The following SENP8 variants were observed in gnomAD, a reference collection of about 807,000 sequenced individuals.
The protein encoded by SENP8 is sentrin-specific protease 8.
A neutral mutation model predicts 14.4 loss-of-function variants in SENP8; 10 were observed. The ratio of observed to expected loss-of-function variants is 0.69; its 90% CI spans 0.43 to 1.18. SENP8 has a LOEUF of 1.18. Among genes scored for constraint, SENP8 ranks in the 50% most tolerant of loss-of-function variants. The probability of loss-of-function intolerance (pLI) is 0.00; values close to 1 mark genes in which losing one functional copy is unlikely to be tolerated. For missense variants in SENP8, 202 were observed against 249.4 expected, an observed-to-expected ratio of 0.81 and a Z score of 1.28; for synonymous variants, 94 against 95.5, an observed-to-expected ratio of 0.98 and a Z score of 0.09.
At chr15:72,134,095 C>A (rs920127393) in intron 1 of SENP8, among the ~76,000 whole-genome samples, 2 of 152,066 alleles carry the variant, frequency 1.3e-5, no homozygotes, top group Non-Finnish European at 2.9e-5. Flanking sequence ...ACTACAGGCA[C>A]CCACCATGCC....
intron 1 of SENP8, among the ~76,000 whole-genome samples, chr15:72,133,173 A>G (rs565942675): frequency 1.3e-5 from 2 of 152,210 alleles, no homozygotes; most frequent in Non-Finnish European, 2.9e-5. Context: ...TCACCTCAAA[A>G]CAAAAGAAAA....
At position 72,140,286 on chromosome 15, in the gene SENP8, T is replaced by G; in HGVS notation, c.*24T>G. On this transcript the variant is annotated 3_prime_UTR_variant, in exon 2 of 2. Coordinates refer to ENST00000340912, the MANE Select transcript of SENP8 (RefSeq NM_145204.4). ...AGCTATTGAAGTATATTTGCGACTT[T>G]TGAAGGCTCCTCTTTCTGCCCTTCC... The G allele has an allele frequency of 1.9e-6, 3 of 1,548,616 alleles. No homozygotes were observed. Among genetic ancestry groups the G allele is most frequent in the Non-Finnish European group, 2.7e-6 (3 of 1,123,988 alleles).
chr15:72,118,124 C>G (rs1002341971), upstream of SENP8: 3 of 383,230 alleles, frequency 7.8e-6, no homozygotes, highest in African/African-American at 2.1e-5. Flanking sequence ...CGCGACTCCC[C>G]GGCTGCAGGC....
chr15:72,131,005 C>T (rs1332526429), intron 1 of SENP8, among the ~76,000 whole-genome samples: 1 of 152,094 alleles, frequency 6.6e-6, no homozygotes, highest in East Asian at 1.9e-4. Context: ...CTTAAAAATG[C>T]AGAGGCCCAG....
At chr15:72,136,173 A>C (rs568610355) in intron 1 of SENP8, among the ~76,000 whole-genome samples, 7 of 152,228 alleles carry the variant, frequency 4.6e-5, no homozygotes, top group Non-Finnish European at 1.0e-4. Context: ...TGTTGTAAGG[A>C]TACTGTGAGG....
At chr15:72,133,095 C>T (rs1002218540) in intron 1 of SENP8, among the ~76,000 whole-genome samples, 8 of 152,042 alleles carry the variant, frequency 5.3e-5, no homozygotes, top group Admixed American at 1.3e-4. Flanking sequence ...CGCTTGAACC[C>T]GGGAGGCAGA....
At chr15:72,127,280 A>G (rs1359280196) in intron 1 of SENP8, among the ~76,000 whole-genome samples, 1 of 152,218 alleles carries the variant, frequency 6.6e-6, no homozygotes, top group African/African-American at 2.4e-5. Context: ...TTAAAAAACT[A>G]TCACATAGTA....
At chr15:72,130,854 C>T (rs969777929) in intron 1 of SENP8, among the ~76,000 whole-genome samples, 6 of 152,100 alleles carry the variant, frequency 3.9e-5, no homozygotes, top group Non-Finnish European at 5.9e-5. Context: ...TGAGCCACTG[C>T]GCCCGGCAGG....
At chr15:72,121,867 T>C (rs1287694399) in intron 1 of SENP8, among the ~76,000 whole-genome samples, 11 of 152,210 alleles carry the variant, frequency 7.2e-5, no homozygotes, top group Admixed American at 7.2e-4. Flanking sequence ...CAGTTAACTT[T>C]ATGTGGTCAA....
At chr15:72,123,604 G>C (rs2081186897) in intron 1 of SENP8, among the ~76,000 whole-genome samples, 1 of 150,860 alleles carries the variant, frequency 6.6e-6, no homozygotes, top group Non-Finnish European at 1.5e-5. Context: ...GCAGTGGCGT[G>C]CTCTTGGCTC....
At chr15:72,138,472 T>C (rs187803689) in intron 1 of SENP8, among the ~76,000 whole-genome samples, 2 of 151,464 alleles carry the variant, frequency 1.3e-5, no homozygotes, top group African/African-American at 4.8e-5. Flanking sequence ...ACCTCAGCCT[T>C]TCGAGTAGCT....
intron 1 of SENP8, among the ~76,000 whole-genome samples, chr15:72,131,021 A>G (rs2081268797): frequency 1.3e-5 from 2 of 152,180 alleles, no homozygotes; most frequent in Admixed American, 6.5e-5. Flanking sequence ...CCCAGATTCT[A>G]TCCCAGGTGT....
intron 1 of SENP8, among the ~76,000 whole-genome samples, chr15:72,125,695 G>A (rs142498276): frequency 8.6e-5 from 13 of 151,912 alleles, no homozygotes; most frequent in African/African-American, 1.9e-4. Context: ...AAGATCATAC[G>A]AAAAAAAGTT....
upstream of SENP8, among the ~76,000 whole-genome samples, chr15:72,115,604 A>G (rs988161677): frequency 6.6e-6 from 1 of 152,232 alleles, no homozygotes; most frequent in African/African-American, 2.4e-5. Flanking sequence ...CCTGGCCTTT[A>G]GTCTTATTCT....
rs2081384260 is a variant in SENP8 at position 72,142,066 on chromosome 15, C to T, written c.*1804C>T. Reference sequence around the variant, plus strand: ...TTAAAGCATATGAAAGCAATCTTTCCTAACTCCCTACGATTCATCTTATAA... The same window carrying T: ...TTAAAGCATATGAAAGCAATCTTTCTTAACTCCCTACGATTCATCTTATAA... On this transcript the variant is annotated 3_prime_UTR_variant, in exon 2 of 2. Transcript: ENST00000340912. The T allele has an allele frequency of 6.6e-6, 1 of 152,110 alleles. No individual in the cohort carries two copies. Among genetic ancestry groups the T allele is most frequent in the Non-Finnish European group, 1.5e-5 (1 of 68,028 alleles). The allele number at this position is 152,110 out of a possible 1,614,324, so 9.4% of individuals were successfully genotyped here.
intron 1 of SENP8, among the ~76,000 whole-genome samples, chr15:72,125,862 C>T (rs182576605): frequency 4.9e-4 from 74 of 151,934 alleles, no homozygotes; most frequent in African/African-American, 1.7e-3. Flanking sequence ...CTCACTCTGT[C>T]GCCCAGGCTG....
At chr15:72,124,527 T>C (rs2081198363) in intron 1 of SENP8, among the ~76,000 whole-genome samples, 2 of 152,236 alleles carry the variant, frequency 1.3e-5, no homozygotes, top group Non-Finnish European at 2.9e-5. Context: ...AAAGTGCAAG[T>C]TGAATCAGAC....
rs13858 is a variant in SENP8 at position 72,140,803 on chromosome 15, A to G, written c.*541A>G. ...ACTCAGTTATTCGGTTTTATGTGAC[A>G]TCTCTTCCATTCACCATGCACAGGC... is the stretch of plus-strand genomic sequence containing the variant. On this transcript the variant is annotated 3_prime_UTR_variant, in exon 2 of 2. Transcript: ENST00000340912. The G allele has an allele frequency of 0.65, 108,083 of 167,510 alleles. 36,248 individuals are homozygous for G. The highest frequency in any genetic ancestry group is 0.74 in the Middle Eastern group (219 of 296). 10.4% of individuals were successfully genotyped at this position (167,510 alleles called of 1,614,324 possible).
intron 1 of SENP8, among the ~76,000 whole-genome samples, chr15:72,134,191 C>G (rs2081304858): frequency 6.6e-6 from 1 of 152,180 alleles, no homozygotes; most frequent in Non-Finnish European, 1.5e-5. Flanking sequence ...GGCAGTTTGC[C>G]TGCCTTGGCC....
Sources: allele counts gnomAD v4.1 joint callset (sites outside exome capture counted in the v4.1 genomes callset), GRCh38; gene constraint gnomAD v4.1.1; transcripts MANE v1.5; gene names NCBI Gene and HGNC (gene_info 2026-07-23, HGNC 2026-07-21).